Variants in PRKN observed in about 807,000 individuals in gnomAD.
PRKN encodes the protein E3 ubiquitin-protein ligase parkin.
Under a neutral mutation model 59.5 loss-of-function variants are expected in PRKN, and 56 were observed. That is an observed-to-expected ratio of 0.94 (90% CI 0.76 to 1.18). The LOEUF is 1.18. Ranked by LOEUF, PRKN falls within the 50% of genes most tolerant of loss-of-function variation. The pLI, the probability that PRKN is intolerant of heterozygous loss-of-function variation, is 0.00. For missense variants in PRKN, 657 were observed against 596.4 expected, an observed-to-expected ratio of 1.10 and a Z score of -1.06; for synonymous variants, 250 against 222.1, an observed-to-expected ratio of 1.13 and a Z score of -1.12.
intron 2 of PRKN, among the ~76,000 whole-genome samples, chr6:162,311,411 T>C (rs909868327): frequency 1.3e-5 from 2 of 151,806 alleles, no homozygotes; most frequent in Non-Finnish European, 1.5e-5. Context: ...AAATCTATTA[T>C]ACAGGTGAAA....
At chr6:162,613,237 C>T (rs578164095) in intron 1 of PRKN, among the ~76,000 whole-genome samples, 1 of 152,120 alleles carries the variant, frequency 6.6e-6, no homozygotes, top group Non-Finnish European at 1.5e-5. Context: ...CTTAGAAGCA[C>T]TGACATTAAA....
chr6:161,904,699 C>G (rs946758161), intron 6 of PRKN, among the ~76,000 whole-genome samples: 1 of 152,088 alleles, frequency 6.6e-6, no homozygotes, highest in Non-Finnish European at 1.5e-5. Flanking sequence ...TGGGATGTGC[C>G]AAGTCGCAGA....
At position 161,384,154 on chromosome 6, in the gene PRKN, C is replaced by T. The variant is rs183383631; in HGVS notation, c.1167+2640G>A. 6.1e-4 allele frequency among the ~76,000 whole-genome samples: 93 copies of T among 152,250 alleles called. 1 individual carries two copies. The highest frequency in any genetic ancestry group is 2.0e-3 in the African/African-American group (84 of 41,530). On this transcript the variant is annotated intron_variant, in intron 10 of 11. Transcript: ENST00000366898. Reference sequence around the variant, plus strand: ...CAACCTCTGTGGCATCTATTGAAGCCGTAGAAACTCCATGGGAGCAGGGAC... The same window carrying T: ...CAACCTCTGTGGCATCTATTGAAGCTGTAGAAACTCCATGGGAGCAGGGAC...
chr6:162,171,402 G>A (rs920351688), intron 4 of PRKN, among the ~76,000 whole-genome samples: 10 of 152,244 alleles, frequency 6.6e-5, no homozygotes, highest in Non-Finnish European at 1.0e-4. Flanking sequence ...AGCCTGAGTG[G>A]TTGAAACGCT....
chr6:162,572,005 T>TC (rs1000973857), intron 1 of PRKN, among the ~76,000 whole-genome samples: 6 of 152,082 alleles, frequency 3.9e-5, no homozygotes, highest in Non-Finnish European at 8.8e-5. Flanking sequence ...AAACAGACAT[T>TC]CCAGATGCAA....
intron 4 of PRKN, among the ~76,000 whole-genome samples, chr6:162,124,234 TG>T (rs1781032877): frequency 1.3e-5 from 2 of 152,298 alleles, no homozygotes; most frequent in African/African-American, 4.8e-5. Flanking sequence ...ACACCAGGGC[TG>T]GTGGGAGCTT....
intron 6 of PRKN, among the ~76,000 whole-genome samples, chr6:161,862,237 C>A: frequency 6.6e-6 from 1 of 152,190 alleles, no homozygotes; most frequent in East Asian, 1.9e-4. Flanking sequence ...ATTCAACCCA[C>A]TACAGTGAAT....
At position 161,360,002 on chromosome 6, in the gene PRKN, C is replaced by T; in HGVS notation, c.1285+86G>A. The T allele has an allele frequency of 1.0e-6, 1 of 994,218 alleles. No individual in the cohort carries two copies. The highest frequency in any genetic ancestry group is 1.6e-6 in the Non-Finnish European group (1 of 615,124). The allele number at this position is 994,218 out of a possible 1,614,324, so 61.6% of individuals were successfully genotyped here. On this transcript the variant is annotated intron_variant, in intron 11 of 11. Coordinates refer to ENST00000366898, the MANE Select transcript of PRKN (RefSeq NM_004562.3). The surrounding 1 kb of genome is among the most constrained non-coding windows in gnomAD (Gnocchi z 5.1). The stretch of plus-strand genomic sequence containing the variant: ...CACACCAGGCACCTTCAGACAGCAT[C>T]TCCTTTAATCCTGGAATCCCTGATG...
chr6:162,071,817 G>A (rs1190856510), intron 4 of PRKN, among the ~76,000 whole-genome samples: 22 of 151,778 alleles, frequency 1.4e-4, no homozygotes, highest in Non-Finnish European at 5.9e-5. Flanking sequence ...GCCTGGTCTC[G>A]AACTCCTGAC....
chr6:162,191,381 C>G (rs1784271225), intron 4 of PRKN, among the ~76,000 whole-genome samples: 1 of 152,172 alleles, frequency 6.6e-6, no homozygotes, highest in African/African-American at 2.4e-5. Flanking sequence ...AAATGATGAG[C>G]TGTAAGGAGA....
intron 1 of PRKN, among the ~76,000 whole-genome samples, chr6:162,501,727 G>C (rs1309768567): frequency 1.3e-5 from 2 of 151,974 alleles, no homozygotes; most frequent in Non-Finnish European, 2.9e-5. Context: ...GACACTGCAG[G>C]CCATCTCAAA....
At position 161,545,344 on chromosome 6, in the gene PRKN, T is replaced by C. The variant is rs1286072270; in HGVS notation, c.1083+3510A>G. On this transcript the variant is annotated intron_variant, in intron 9 of 11. Coordinates refer to ENST00000366898, the MANE Select transcript of PRKN (RefSeq NM_004562.3). The surrounding 1 kb of genome is among the most constrained non-coding windows in gnomAD (Gnocchi z 4.1). Reference sequence around the variant, plus strand: ...CATCTGGAACTCTGTAATTCTTCTATAGCTTTGCTACCAATGACTTTTCCT... The same window carrying C: ...CATCTGGAACTCTGTAATTCTTCTACAGCTTTGCTACCAATGACTTTTCCT... 7 of 1,604,952 alleles carry C rather than the reference T, an allele frequency of 4.4e-6. No individual in the cohort carries two copies. In the African/African-American group the frequency reaches 5.3e-5, roughly 12 times the overall value.
At position 161,371,071 on chromosome 6, in the gene PRKN, CG is replaced by C. The variant is rs1785425485; in HGVS notation, c.1168-10867del. Among the ~76,000 whole-genome samples the C allele has an allele frequency of 6.6e-6, 1 of 152,148 alleles. No individual in the cohort carries two copies. Among genetic ancestry groups the C allele is most frequent in the South Asian group, 2.1e-4 (1 of 4,832 alleles). ...GCTAGTCAACGTTACTGCTTGGCAA[CG>C]GGTGTCACCAAAACATGTTTTGTTG... On this transcript the variant is annotated intron_variant, in intron 10 of 11. Transcript: ENST00000366898. The surrounding 1 kb of genome is among the most constrained non-coding windows in gnomAD (Gnocchi z 5.5).
chr6:162,691,385 A>G (rs1777768781), intron 1 of PRKN, among the ~76,000 whole-genome samples: 2 of 152,194 alleles, frequency 1.3e-5, no homozygotes, highest in Non-Finnish European at 2.9e-5. Flanking sequence ...AACATGCTAC[A>G]TAATGGATTA....
intron 4 of PRKN, among the ~76,000 whole-genome samples, chr6:162,071,633 G>A (rs1419548994): frequency 6.8e-6 from 1 of 147,306 alleles, no homozygotes; most frequent in African/African-American, 2.5e-5. Flanking sequence ...GTCTCGAGCT[G>A]TAGCCCAGGC....
At chr6:162,590,263 A>G (rs570152474) in intron 1 of PRKN, among the ~76,000 whole-genome samples, 37 of 152,336 alleles carry the variant, frequency 2.4e-4, no homozygotes, top group African/African-American at 8.7e-4. Context: ...AATATATTTT[A>G]GGAATAATAC....
In PRKN at chr6:161,767,850, T is replaced by C. The variant is rs114290726; in HGVS notation, c.871+17922A>G. Among the ~76,000 whole-genome samples the C allele has an allele frequency of 9.0e-3, 1,371 of 152,170 alleles. 23 individuals carry two copies. Among genetic ancestry groups the C allele is most frequent in the South Asian group, 0.035 (170 of 4,806 alleles). ...ATCAGGGGAGGTAGCAGCCCCTCAC[T>C]CAGGTGTGACTAGGCTGGGATAACA... On this transcript the variant is annotated intron_variant, in intron 7 of 11. Transcript: ENST00000366898.
In PRKN at chr6:161,759,169, GT is replaced by G. The variant is rs1238990891; in HGVS notation, c.871+26602del. Reference sequence around the variant, plus strand: ...TCCAGCCTGGCGACAGAGTGAGACTGTTTAAAAAAAAAAAAAACAAAATTAA... The same window carrying G: ...TCCAGCCTGGCGACAGAGTGAGACTGTTAAAAAAAAAAAAAACAAAATTAA... On this transcript the variant is annotated intron_variant, in intron 7 of 11. Transcript: ENST00000366898. Among the ~76,000 whole-genome samples, 201 of 40,490 alleles carry G rather than the reference GT, an allele frequency of 5.0e-3. 1 individual carries two copies. Among genetic ancestry groups the G allele is most frequent in the African/African-American group, 0.015 (193 of 13,262 alleles). 26.6% of individuals were successfully genotyped at this position (40,490 alleles called of 152,430 possible).
chr6:162,160,961 C>T (rs1479595427), intron 4 of PRKN, among the ~76,000 whole-genome samples: 1 of 146,688 alleles, frequency 6.8e-6, no homozygotes, highest in Non-Finnish European at 1.5e-5. Flanking sequence ...ATAAAAAGCA[C>T]TAGTCAAAGG....
Sources: gnomAD v4.1 joint callset for allele counts (sites outside exome capture counted in the v4.1 genomes callset) on GRCh38, gnomAD v4.1.1 for gene constraint, Gnocchi (gnomAD v3.1) non-coding constraint, MANE v1.5 for transcripts, NCBI Gene and HGNC (gene_info 2026-07-23, HGNC 2026-07-21) for gene names.